CFAP52: variants seen among roughly 807,000 people sequenced by gnomAD.
CFAP52 encodes cilia- and flagella-associated protein 52.
In CFAP52, 57 loss-of-function variants were observed where a neutral mutation model predicts 70.5. The observed-to-expected ratio is 0.81, with a 90% confidence interval of 0.65 to 1.01. The LOEUF is 1.01. Among genes scored for constraint, CFAP52 ranks in the 50% least tolerant of loss-of-function variants. The pLI is 0.00. For synonymous variants in CFAP52, 267 were observed against 292.5 expected (o/e 0.91, Z 0.89); for missense variants, 785 against 788.5 (o/e 1.00, Z 0.05).
In CFAP52 at chr17:9,641,922, G is replaced by T. The variant is rs1911082776; in HGVS notation, c.1687+87G>T. On this transcript the variant is annotated intron_variant, in intron 13 of 13. Transcript: ENST00000352665. ...TCCCAGGCTAGAGGCAATTGGAAAA[G>T]ACAACAAAAGGGTCTCAAGGCAACT... 4 of 1,184,092 alleles carry T rather than the reference G, an allele frequency of 3.4e-6. No individual in the cohort carries two copies. In the Admixed American group the frequency reaches 7.9e-5, roughly 24 times the overall value. 73.3% of individuals were successfully genotyped at this position (1,184,092 alleles called of 1,614,324 possible). A position where few individuals can be genotyped will look rare whatever the true frequency, so the allele number is the denominator to read the frequency against.
At chr17:9,640,926 G>A (rs2151954444) in intron 12 of CFAP52, among the ~76,000 whole-genome samples, 1 of 152,304 alleles carries the variant, frequency 6.6e-6, no homozygotes, top group Admixed American at 6.5e-5. Context: ...TTATAGGTGT[G>A]AGCCGCTGCA....
intron 9 of CFAP52, among the ~76,000 whole-genome samples, chr17:9,631,052 G>GAGAGAGAGAGAGAAAGAAAGAAAGAA (rs370935367): frequency 1.6e-4 from 6 of 37,952 alleles, no homozygotes; most frequent in African/African-American, 6.6e-4. Flanking sequence ...GAGAGAGAGA[G>GAGAGAGAGAGAGAAAGAAAGAAAGAA]AGAAAGAAAG....
chr17:9,636,832 G>T (rs1040680047), intron 11 of CFAP52, among the ~76,000 whole-genome samples: 3 of 152,122 alleles, frequency 2.0e-5, no homozygotes, highest in Admixed American at 2.0e-4. Flanking sequence ...GGATCAAGAG[G>T]TCAGGAGTTT....
chr17:9,595,909 G>T (rs1908977013), intron 4 of CFAP52, among the ~76,000 whole-genome samples: 1 of 149,194 alleles, frequency 6.7e-6, no homozygotes, highest in Non-Finnish European at 1.5e-5. Context: ...AAAAAAAAAA[G>T]TTCAGTACGT....
At chr17:9,640,233 T>A (rs1036060753) in intron 12 of CFAP52, among the ~76,000 whole-genome samples, 5 of 151,730 alleles carry the variant, frequency 3.3e-5, no homozygotes, top group East Asian at 3.9e-4. Context: ...TCTTTTTTTT[T>A]TTTTTTTTTT....
chr17:9,636,643 A>G (rs1301231921), intron 11 of CFAP52, among the ~76,000 whole-genome samples: 1 of 152,098 alleles, frequency 6.6e-6, no homozygotes, highest in African/African-American at 2.4e-5. Context: ...ATCACTGCAT[A>G]CGAGAGACGA....
At chr17:9,608,716 G>C (rs1909602504) in intron 7 of CFAP52, among the ~76,000 whole-genome samples, 1 of 152,018 alleles carries the variant, frequency 6.6e-6, no homozygotes, top group Non-Finnish European at 1.5e-5. Flanking sequence ...TATGTTTCTT[G>C]GCTCATTTAA....
intron 1 of CFAP52, among the ~76,000 whole-genome samples, chr17:9,577,389 C>A (rs747288047): frequency 6.6e-6 from 1 of 152,172 alleles, no homozygotes; most frequent in Non-Finnish European, 1.5e-5. Context: ...TGGGCCGCTC[C>A]GCTGAAATCT....
chr17:9,593,447 GTGTTTT>G (rs796227791), intron 3 of CFAP52, among the ~76,000 whole-genome samples: 19 of 152,094 alleles, frequency 1.2e-4, no homozygotes, highest in Admixed American at 8.5e-4. Flanking sequence ...TCTTTTGTTT[GTGTTTT>G]TGTTTTTGTT....
intron 1 of CFAP52, among the ~76,000 whole-genome samples, chr17:9,584,812 C>T (rs908025577): frequency 1.4e-4 from 22 of 151,752 alleles, no homozygotes; most frequent in Admixed American, 1.3e-4. Flanking sequence ...TAGTAGAGAC[C>T]GGGTTTCACC....
chr17:9,579,889 A>G (rs1231691354), intron 1 of CFAP52, among the ~76,000 whole-genome samples: 1 of 152,202 alleles, frequency 6.6e-6, no homozygotes, highest in Non-Finnish European at 1.5e-5. Flanking sequence ...TTTTAACTTT[A>G]TGGTATCAAT....
At chr17:9,606,307 C>A (rs571405593) in intron 6 of CFAP52, among the ~76,000 whole-genome samples, 2 of 151,958 alleles carry the variant, frequency 1.3e-5, no homozygotes, top group African/African-American at 4.8e-5. Flanking sequence ...TGCTTCATCC[C>A]GGGAGTTCGT....
In CFAP52 at chr17:9,586,687, C is replaced by T. The variant is rs749905907; in HGVS notation, c.271-11C>T. The T allele has an allele frequency of 1.9e-6, 3 of 1,604,342 alleles. No individual in the cohort carries two copies. The highest frequency in any genetic ancestry group is 2.5e-6 in the Non-Finnish European group (3 of 1,176,682). ...CCTCCCTATGATCTGACGGTGTGTT[C>T]TTGCCCCCAGGCAGACATCATTTTG... On this transcript the variant is annotated splice_polypyrimidine_tract_variant and intron_variant, in intron 2 of 13. Coordinates refer to ENST00000352665, the MANE Select transcript of CFAP52 (RefSeq NM_145054.5).
chr17:9,634,089 T>G (rs888776286), intron 10 of CFAP52, among the ~76,000 whole-genome samples: 68 of 152,198 alleles, frequency 4.5e-4, no homozygotes, highest in African/African-American at 1.6e-3. Context: ...CTTCCCATTA[T>G]TTTGAGGAGG....
intron 8 of CFAP52, 52 bp from the exon 9 acceptor site, chr17:9,628,620 A>G: frequency 6.3e-7 from 1 of 1,591,918 alleles, no homozygotes; most frequent in Non-Finnish European, 8.6e-7. Context: ...TCAAATATGC[A>G]TCTGGGAAAC....
At chr17:9,600,809 C>T (rs1909235549) in intron 6 of CFAP52, among the ~76,000 whole-genome samples, 1 of 152,076 alleles carries the variant, frequency 6.6e-6, no homozygotes, top group Admixed American at 6.6e-5. Flanking sequence ...TGTGGGAAAA[C>T]ATAAAAAGTC....
chr17:9,590,698 C>G (rs1908707666), intron 3 of CFAP52, among the ~76,000 whole-genome samples: 1 of 152,158 alleles, frequency 6.6e-6, no homozygotes. Flanking sequence ...GGAAAATGGC[C>G]CCTTAACCAA....
chr17:9,616,086 A>G (rs1240724295), intron 8 of CFAP52, among the ~76,000 whole-genome samples: 1 of 150,714 alleles, frequency 6.6e-6, no homozygotes, highest in East Asian at 2.0e-4. Context: ...CATCTGAGGT[A>G]CCGGGTTCAT....
chr17:9,588,553 T>C (rs1257310644), intron 3 of CFAP52, among the ~76,000 whole-genome samples: 1 of 152,126 alleles, frequency 6.6e-6, no homozygotes, highest in Admixed American at 6.5e-5. Flanking sequence ...CCGAGTGTTC[T>C]TTCTGCTCAT....
Sources: allele counts gnomAD v4.1 joint callset (sites outside exome capture counted in the v4.1 genomes callset), GRCh38; gene constraint gnomAD v4.1.1; transcripts MANE v1.5; gene names NCBI Gene and HGNC (gene_info 2026-07-23, HGNC 2026-07-21).